Variants in EDIL3 observed in about 807,000 individuals in gnomAD.
EDIL3 encodes EGF-like repeat and discoidin I-like domain-containing protein 3.
In EDIL3, 37 loss-of-function variants were observed where a neutral mutation model predicts 67.4. That is an observed-to-expected ratio of 0.55 (90% CI 0.42 to 0.72). The LOEUF (loss-of-function observed/expected upper bound fraction) is 0.72, where lower values mean the gene tolerates loss of function less well. Among genes scored for constraint, EDIL3 ranks in the 30% least tolerant of loss-of-function variants. EDIL3 has a pLI of 0.00. For synonymous variants in EDIL3, 195 were observed against 196.3 expected (o/e 0.99, Z 0.05); for missense variants, 527 against 586.3 (o/e 0.90, Z 1.04).
chr5:84,379,962 T>A (rs778024816), intron 1 of EDIL3, among the ~76,000 whole-genome samples: 1 of 152,078 alleles, frequency 6.6e-6, no homozygotes, highest in Non-Finnish European at 1.5e-5. Context: ...CAGTTGATTC[T>A]AGTCTACTTT....
intron 10 of EDIL3, among the ~76,000 whole-genome samples, chr5:83,962,562 A>AGT (rs765520684): frequency 6.6e-6 from 1 of 151,534 alleles, no homozygotes; most frequent in East Asian, 1.9e-4. Context: ...TGATTTGTAC[A>AGT]GTGTGTGTGT....
intron 1 of EDIL3, among the ~76,000 whole-genome samples, chr5:84,334,101 T>C (rs1746935170): frequency 6.6e-6 from 1 of 151,540 alleles, no homozygotes; most frequent in African/African-American, 2.4e-5. Flanking sequence ...AATTTTGCTC[T>C]TGTCACTCAG....
At chr5:84,380,503 C>A (rs1748053535) in intron 1 of EDIL3, among the ~76,000 whole-genome samples, 1 of 152,058 alleles carries the variant, frequency 6.6e-6, no homozygotes. Flanking sequence ...AGTTCTGAAG[C>A]CTGCACTGTT....
At chr5:84,355,213 A>G (rs1317466097) in intron 1 of EDIL3, among the ~76,000 whole-genome samples, 1 of 151,652 alleles carries the variant, frequency 6.6e-6, no homozygotes, top group Non-Finnish European at 1.5e-5. Context: ...TCTTGTCTTC[A>G]CGCTTTATTT....
At chr5:84,042,259 A>G (rs1422929628) in intron 9 of EDIL3, among the ~76,000 whole-genome samples, 3 of 151,956 alleles carry the variant, frequency 2.0e-5, no homozygotes, top group Non-Finnish European at 4.4e-5. Flanking sequence ...ATCATTTTCA[A>G]TAGCATTAAA....
At chr5:84,373,444 C>T (rs1171955063) in intron 1 of EDIL3, among the ~76,000 whole-genome samples, 1 of 152,162 alleles carries the variant, frequency 6.6e-6, no homozygotes, top group Non-Finnish European at 1.5e-5. Context: ...CCAACCATCA[C>T]TTCCTGTCTT....
At chr5:84,018,811 C>T (rs1745653781) in intron 9 of EDIL3, among the ~76,000 whole-genome samples, 1 of 152,076 alleles carries the variant, frequency 6.6e-6, no homozygotes, top group African/African-American at 2.4e-5. Flanking sequence ...TCATCACTGG[C>T]CATCAGAGAA....
Position 84,038,441 on chromosome 5 carries a change from C to T in EDIL3, c.1137+21859G>A, listed in dbSNP as rs78935112. Reference sequence around the variant, plus strand: ...GCCTCTACCTTCTCCAAGACAATTCCGACAAGATGTACTTCTTAAATCCTT... The same window carrying T: ...GCCTCTACCTTCTCCAAGACAATTCTGACAAGATGTACTTCTTAAATCCTT... On this transcript the variant is annotated intron_variant, in intron 9 of 10. Transcript: ENST00000296591. 5.7e-3 allele frequency among the ~76,000 whole-genome samples: 872 copies of T among 152,256 alleles called. 12 individuals carry two copies. Among genetic ancestry groups the T allele is most frequent in the African/African-American group, 0.02 (837 of 41,548 alleles).
chr5:84,316,369 T>C (rs1353702852), intron 1 of EDIL3, among the ~76,000 whole-genome samples: 2 of 151,990 alleles, frequency 1.3e-5, no homozygotes, highest in Admixed American at 6.6e-5. Context: ...CAGACCCATC[T>C]CACATGCAAA....
intron 9 of EDIL3, among the ~76,000 whole-genome samples, chr5:83,969,832 A>G (rs1744760043): frequency 6.6e-6 from 1 of 151,906 alleles, no homozygotes; most frequent in Non-Finnish European, 1.5e-5. Flanking sequence ...CCATACTGCA[A>G]TGTCTAATGA....
At chr5:84,248,150 A>T (rs557253013) in intron 2 of EDIL3, among the ~76,000 whole-genome samples, 1 of 152,232 alleles carries the variant, frequency 6.6e-6, no homozygotes, top group Non-Finnish European at 1.5e-5. Context: ...TAGCCATTTA[A>T]TTTTTTTCTA....
chr5:84,029,299 C>T (rs1291667198), intron 9 of EDIL3, among the ~76,000 whole-genome samples: 1 of 152,088 alleles, frequency 6.6e-6, no homozygotes, highest in East Asian at 1.9e-4. Flanking sequence ...AGGAGTTCCT[C>T]TGCACAAGTT....
At chr5:84,152,421 T>C (rs1315477660) in intron 4 of EDIL3, among the ~76,000 whole-genome samples, 2 of 152,172 alleles carry the variant, frequency 1.3e-5, no homozygotes, top group Non-Finnish European at 2.9e-5. Context: ...ATTAAAATAA[T>C]GGGCTATCTC....
intron 2 of EDIL3, among the ~76,000 whole-genome samples, chr5:84,240,830 C>A (rs1744780689): frequency 6.6e-6 from 1 of 152,084 alleles, no homozygotes; most frequent in Admixed American, 6.6e-5. Context: ...ACCACTAATG[C>A]TAATTCTTCT....
chr5:84,208,463 A>T (rs1338063554), intron 3 of EDIL3, among the ~76,000 whole-genome samples: 1 of 151,504 alleles, frequency 6.6e-6, no homozygotes. Context: ...GTGGATCATG[A>T]GGTCAGGAGA....
chr5:84,108,405 A>C (rs1580330666), intron 5 of EDIL3, among the ~76,000 whole-genome samples: 1 of 152,258 alleles, frequency 6.6e-6, no homozygotes, highest in South Asian at 2.1e-4. Context: ...TGGTATGATA[A>C]ATTTAGATAA....
At chr5:84,090,640 G>C in intron 6 of EDIL3, among the ~76,000 whole-genome samples, 1 of 152,044 alleles carries the variant, frequency 6.6e-6, no homozygotes, top group South Asian at 2.1e-4. Context: ...TGAATGAACT[G>C]CTTGTTTATG....
At chr5:83,972,390 C>T (rs1008292687) in intron 9 of EDIL3, among the ~76,000 whole-genome samples, 1 of 151,894 alleles carries the variant, frequency 6.6e-6, no homozygotes, top group Admixed American at 6.6e-5. Flanking sequence ...ACTGTAGTGA[C>T]AGGAAGACAC....
chr5:84,135,787 C>G (rs1016828654), intron 5 of EDIL3, among the ~76,000 whole-genome samples: 2 of 152,138 alleles, frequency 1.3e-5, no homozygotes, highest in Admixed American at 1.3e-4. Flanking sequence ...TCAACTCATG[C>G]TCAATGTCCT....
Sources: gnomAD v4.1 joint callset for allele counts (sites outside exome capture counted in the v4.1 genomes callset) on GRCh38, gnomAD v4.1.1 for gene constraint, MANE v1.5 for transcripts, NCBI Gene and HGNC (gene_info 2026-07-23, HGNC 2026-07-21) for gene names.